Variants in DIAPH3 observed in about 807,000 individuals in gnomAD.
The protein encoded by DIAPH3 is protein diaphanous homolog 3.
Under a neutral mutation model 144.3 loss-of-function variants are expected in DIAPH3, and 117 were observed. The ratio of observed to expected loss-of-function variants is 0.81; its 90% CI spans 0.70 to 0.95. DIAPH3 has a LOEUF of 0.95. Ranked by LOEUF, DIAPH3 falls within the 40% of genes least tolerant of loss-of-function variation. DIAPH3 has a pLI of 0.00. For synonymous variants in DIAPH3, 519 were observed against 488.9 expected (o/e 1.06, Z -0.81); for missense variants, 1,421 against 1,412.7 (o/e 1.01, Z -0.09).
intron 22 of DIAPH3, among the ~76,000 whole-genome samples, chr13:59,844,913 C>T (rs1006712182): frequency 3.3e-5 from 5 of 152,166 alleles, no homozygotes; most frequent in Non-Finnish European, 7.3e-5. Context: ...TTGACCCTTT[C>T]CTCTCTTGCA....
At chr13:60,108,615 A>G (rs1013387539) in intron 3 of DIAPH3, among the ~76,000 whole-genome samples, 4 of 152,160 alleles carry the variant, frequency 2.6e-5, no homozygotes, top group Non-Finnish European at 4.4e-5. Flanking sequence ...CGAAAAAAAA[A>G]TAAAAATTAA....
intron 27 of DIAPH3, among the ~76,000 whole-genome samples, chr13:59,742,113 T>C (rs2036486031): frequency 6.6e-6 from 1 of 151,972 alleles, no homozygotes; most frequent in African/African-American, 2.4e-5. Context: ...TATAAAACCA[T>C]CAGATCTCAT....
chr13:60,142,823 T>TCA (rs1555384772), intron 1 of DIAPH3, among the ~76,000 whole-genome samples: 1 of 152,078 alleles, frequency 6.6e-6, no homozygotes, highest in Non-Finnish European at 1.5e-5. Context: ...AATGGAGGGA[T>TCA]CATAGCTCAC....
chr13:59,763,312 A>G (rs908039141), intron 27 of DIAPH3, among the ~76,000 whole-genome samples: 2 of 151,944 alleles, frequency 1.3e-5, no homozygotes, highest in East Asian at 3.9e-4. Context: ...ACATGTGTAT[A>G]TATGTATATA....
At chr13:59,985,768 G>C in intron 12 of DIAPH3, among the ~76,000 whole-genome samples, 1 of 97,442 alleles carries the variant, frequency 1.0e-5, no homozygotes, top group Non-Finnish European at 2.1e-5. Flanking sequence ...ACTTACAAGG[G>C]ATGTGAAGGA....
At chr13:59,961,193 A>G (rs1332961233) in intron 17 of DIAPH3, among the ~76,000 whole-genome samples, 2 of 152,224 alleles carry the variant, frequency 1.3e-5, no homozygotes, top group African/African-American at 4.8e-5. Flanking sequence ...ACAAAACTTT[A>G]CAAGTTGAAA....
intron 27 of DIAPH3, among the ~76,000 whole-genome samples, chr13:59,769,209 G>A (rs982548388): frequency 3.3e-5 from 5 of 152,106 alleles, no homozygotes; most frequent in African/African-American, 1.2e-4. Flanking sequence ...GTCCCTAGGA[G>A]AGTAGGAATT....
intron 18 of DIAPH3, among the ~76,000 whole-genome samples, chr13:59,917,973 T>C (rs2047312176): frequency 1.5e-5 from 2 of 137,272 alleles, no homozygotes; most frequent in Non-Finnish European, 3.2e-5. Context: ...CAATAGAACA[T>C]GCAAAAAATA....
At chr13:59,799,176 C>T (rs1331341606) in intron 25 of DIAPH3, among the ~76,000 whole-genome samples, 42 of 151,986 alleles carry the variant, frequency 2.8e-4, no homozygotes, top group Admixed American at 2.8e-3. Context: ...ACCTTTACCA[C>T]AAGCAGACAG....
chr13:59,752,865 T>A (rs1198184659), intron 27 of DIAPH3, among the ~76,000 whole-genome samples: 2 of 152,308 alleles, frequency 1.3e-5, no homozygotes, highest in Non-Finnish European at 2.9e-5. Context: ...CTAGTTCTGG[T>A]TTTGGTATAA....
At chr13:59,885,892 C>T (rs1043944964) in intron 20 of DIAPH3, among the ~76,000 whole-genome samples, 1 of 152,026 alleles carries the variant, frequency 6.6e-6, no homozygotes, top group African/African-American at 2.4e-5. Flanking sequence ...CCAATGCCTT[C>T]ATTTATGACT....
intron 7 of DIAPH3, 118 bp downstream of exon 7, chr13:60,015,795 T>C: frequency 2.2e-6 from 2 of 893,924 alleles, no homozygotes; most frequent in Non-Finnish European, 3.6e-6. Context: ...TAAAATTCAA[T>C]ATTTTTCCAT....
At chr13:59,841,478 C>T (rs1208421295) in intron 22 of DIAPH3, among the ~76,000 whole-genome samples, 1 of 151,868 alleles carries the variant, frequency 6.6e-6, no homozygotes, top group Non-Finnish European at 1.5e-5. Flanking sequence ...CCTGTAGTCC[C>T]AGCTAATATG....
intron 5 of DIAPH3, among the ~76,000 whole-genome samples, chr13:60,026,757 T>C (rs1371953997): frequency 6.6e-6 from 1 of 152,216 alleles, no homozygotes; most frequent in African/African-American, 2.4e-5. Flanking sequence ...AAGAAGTTAG[T>C]GTCTATTTAA....
At chr13:59,716,873 A>T (rs571866461) in intron 27 of DIAPH3, among the ~76,000 whole-genome samples, 22 of 152,092 alleles carry the variant, frequency 1.4e-4, no homozygotes, top group African/African-American at 5.1e-4. Flanking sequence ...GGAATACCTG[A>T]CTCTGGTAGC....
At chr13:59,828,897 T>C (rs1200689588) in intron 24 of DIAPH3, among the ~76,000 whole-genome samples, 1 of 151,734 alleles carries the variant, frequency 6.6e-6, no homozygotes, top group Non-Finnish European at 1.5e-5. Context: ...TAATTCCCAG[T>C]TGAGAATTCT....
intron 27 of DIAPH3, among the ~76,000 whole-genome samples, chr13:59,690,871 C>T (rs1201034007): frequency 6.6e-6 from 1 of 152,080 alleles, no homozygotes; most frequent in African/African-American, 2.4e-5. Context: ...TCATATCTAT[C>T]AGAGAGAAAC....
At chr13:59,975,832 C>T (rs1052214491) in intron 14 of DIAPH3, among the ~76,000 whole-genome samples, 2 of 151,968 alleles carry the variant, frequency 1.3e-5, no homozygotes, top group African/African-American at 4.8e-5. Context: ...CTTCAGTTGA[C>T]GTAAGCCACA....
intron 27 of DIAPH3, among the ~76,000 whole-genome samples, chr13:59,692,136 T>A (rs2033557751): frequency 1.1e-5 from 1 of 94,818 alleles, no homozygotes; most frequent in Non-Finnish European, 2.1e-5. Context: ...TTTGAGAAAT[T>A]CTTTTTTTTT....
Sources: allele counts gnomAD v4.1 joint callset (sites outside exome capture counted in the v4.1 genomes callset), GRCh38; gene constraint gnomAD v4.1.1; transcripts MANE v1.5; gene names NCBI Gene and HGNC (gene_info 2026-07-23, HGNC 2026-07-21).